PCDHGA2: variants seen among roughly 807,000 people sequenced by gnomAD.
PCDHGA2 encodes protocadherin gamma subfamily A, 2.
In PCDHGA2, 40 loss-of-function variants were observed where a neutral mutation model predicts 59.2. That is an observed-to-expected ratio of 0.68 (90% CI 0.52 to 0.88). PCDHGA2 has a LOEUF of 0.88. PCDHGA2 is among the 40% of genes least tolerant of loss of function. PCDHGA2 has a pLI of 0.00. For synonymous variants in PCDHGA2, 560 were observed against 526.0 expected (o/e 1.06, Z -0.89); for missense variants, 1,226 against 1,204.0 (o/e 1.02, Z -0.27).
intron 1 of PCDHGA2, chr5:141,389,699 C>T: frequency 1.2e-6 from 2 of 1,612,646 alleles, no homozygotes; most frequent in Non-Finnish European, 1.7e-6. Flanking sequence ...TGTCCTACCA[C>T]GTGCTGCAGG....
chr5:141,438,901 G>A (rs1039951275), intron 1 of PCDHGA2, among the ~76,000 whole-genome samples: 2 of 151,746 alleles, frequency 1.3e-5, no homozygotes, highest in African/African-American at 2.4e-5. Flanking sequence ...CCTGACCTCA[G>A]GTGATCCACC....
Position 141,490,896 on chromosome 5 carries a change from G to A in PCDHGA2, c.2425-3911G>A. 6.2e-7 allele frequency: 1 copy of A among 1,613,938 alleles called. No homozygotes were observed. Among genetic ancestry groups the A allele is most frequent in the Non-Finnish European group, 8.5e-7 (1 of 1,179,922 alleles). ...TGCATGCCAACACATCTCTGCATGTGTTTGTCCTAGACGAGAATGATAATG... is the reference window on the plus strand; with the variant it reads ...TGCATGCCAACACATCTCTGCATGTATTTGTCCTAGACGAGAATGATAATG... On this transcript the variant is annotated intron_variant, in intron 1 of 3. Coordinates refer to ENST00000394576, the MANE Select transcript of PCDHGA2 (RefSeq NM_018915.4). This position sits in a 1 kb window ranked among gnomAD's most constrained non-coding sequence, Gnocchi z 5.4.
chr5:141,345,678 A>G (rs1044016495), intron 1 of PCDHGA2: 13 of 1,614,068 alleles, frequency 8.1e-6, no homozygotes, highest in Non-Finnish European at 1.1e-5. Flanking sequence ...CGTGTCGCTG[A>G]ACCTGTTCGT....
chr5:141,339,736 G>T lies in PCDHGA2; in HGVS notation c.765G>T (p.Thr255=), dbSNP rs781028162. 2 of 1,613,958 alleles carry T rather than the reference G, an allele frequency of 1.2e-6. No individual in the cohort carries two copies. Among genetic ancestry groups the T allele is most frequent in the Non-Finnish European group, 1.7e-6 (2 of 1,179,988 alleles). The change falls in exon 1 of 4, where the codon ACG becomes ACT. Residue 255 remains threonine, a synonymous_variant. Transcript: ENST00000394576. ...PEYRISIPEN[T]LVGTRILTVT... ...ACCGCATAAGCATTCCGGAGAATAC[G>T]CTCGTGGGCACCCGGATACTCACGG...
chr5:141,505,634 A>T, intron 3 of PCDHGA2, 153 bp downstream of exon 3: 6 of 971,426 alleles, frequency 6.2e-6, no homozygotes, highest in Non-Finnish European at 7.3e-6. Context: ...CCAAACATAA[A>T]GCCTGGAATT....
At chr5:141,355,176 C>T (rs1424920703) in intron 1 of PCDHGA2, 15 of 1,579,122 alleles carry the variant, frequency 9.5e-6, no homozygotes, top group African/African-American at 1.4e-5. Flanking sequence ...AACCGAAGCA[C>T]AGGCGACTCC....
intron 1 of PCDHGA2, chr5:141,392,967 C>A (rs1442170331): frequency 1.2e-6 from 2 of 1,613,766 alleles, no homozygotes; most frequent in African/African-American, 2.7e-5. Context: ...CTCCAAGGAC[C>A]TGGGGCTGGA....
chr5:141,361,548 C>T (rs374369531), intron 1 of PCDHGA2: 4 of 1,614,094 alleles, frequency 2.5e-6, no homozygotes, highest in African/African-American at 1.3e-5. Context: ...GCGCCTCTAT[C>T]GCTCAAATCA....
intron 1 of PCDHGA2, chr5:141,433,257 G>T: frequency 7.2e-7 from 1 of 1,385,416 alleles, no homozygotes; most frequent in Non-Finnish European, 9.9e-7. Context: ...GCAGCGGTAC[G>T]ATCATAGCTC....
At chr5:141,390,352 A>G (rs1340044054) in intron 1 of PCDHGA2, 2 of 1,557,524 alleles carry the variant, frequency 1.3e-6, no homozygotes, top group African/African-American at 2.7e-5. Context: ...GAAAATATAC[A>G]TATTTGCAGG....
intron 1 of PCDHGA2, chr5:141,367,575 T>C (rs1765237338): frequency 7.4e-6 from 1 of 135,240 alleles, no homozygotes. Context: ...TAAATAAATA[T>C]CAGAAAAGTA....
At position 141,487,344 on chromosome 5, in the gene PCDHGA2, C is replaced by T. The variant is rs1232854025; in HGVS notation, c.2425-7463C>T. On this transcript the variant is annotated intron_variant, in intron 1 of 3. Coordinates refer to ENST00000394576, the MANE Select transcript of PCDHGA2 (RefSeq NM_018915.4). This position sits in a 1 kb window ranked among gnomAD's most constrained non-coding sequence, Gnocchi z 5.0. ...CTTCGTGGGGCAGCCTGTGGAGTCA[C>T]ATGCTTTCCTGCTGGCACCTGTGCC... 3 of 1,614,208 alleles carry T rather than the reference C, an allele frequency of 1.9e-6. No individual in the cohort carries two copies. The highest frequency in any genetic ancestry group is 3.3e-5 in the Admixed American group (2 of 60,024).
intron 1 of PCDHGA2, among the ~76,000 whole-genome samples, chr5:141,397,274 G>A (rs565956732): frequency 6.6e-6 from 1 of 152,188 alleles, no homozygotes; most frequent in East Asian, 1.9e-4. Flanking sequence ...TACATCATAT[G>A]GGCAGTATAC....
Position 141,505,566 on chromosome 5 carries a change from A to G in PCDHGA2, c.2572+85A>G, listed in dbSNP as rs1363426407. 1.4e-5 allele frequency: 22 copies of G among 1,599,886 alleles called. No individual in the cohort carries two copies. In the East Asian group the frequency reaches 4.7e-4, roughly 34 times the overall value. ...CACAGCCACCATGCCCACGGACTGGATGTCAAACCTGTGTAGTTTCTCCAG... is the reference window on the plus strand; with the variant it reads ...CACAGCCACCATGCCCACGGACTGGGTGTCAAACCTGTGTAGTTTCTCCAG... On this transcript the variant is annotated intron_variant, in intron 3 of 3. Coordinates refer to ENST00000394576, the MANE Select transcript of PCDHGA2 (RefSeq NM_018915.4).
At position 141,485,541 on chromosome 5, in the gene PCDHGA2, T is replaced by A; in HGVS notation, c.2425-9266T>A. 2 of 1,613,902 alleles carry A rather than the reference T, an allele frequency of 1.2e-6. No homozygotes were observed. Among genetic ancestry groups the A allele is most frequent in the Non-Finnish European group, 1.7e-6 (2 of 1,179,958 alleles). ...GAAATGTACCGAGCAGAGGTAGAGATCGTAGATGTGAATGATCACGCCCCC... is the reference window on the plus strand; with the variant it reads ...GAAATGTACCGAGCAGAGGTAGAGAACGTAGATGTGAATGATCACGCCCCC... On this transcript the variant is annotated intron_variant, in intron 1 of 3. Coordinates refer to ENST00000394576, the MANE Select transcript of PCDHGA2 (RefSeq NM_018915.4). The surrounding 1 kb of genome is among the most constrained non-coding windows in gnomAD (Gnocchi z 5.7).
chr5:141,410,623 G>A (rs2154543147), intron 1 of PCDHGA2: 1 of 1,603,052 alleles, frequency 6.2e-7, no homozygotes, highest in Non-Finnish European at 8.5e-7. Flanking sequence ...TGACTTCGGT[G>A]AGTTTCTCTT....
chr5:141,347,507 G>A (rs1034183522), intron 1 of PCDHGA2, among the ~76,000 whole-genome samples: 7 of 152,070 alleles, frequency 4.6e-5, no homozygotes, highest in Non-Finnish European at 7.4e-5. Context: ...AAATGTAGAG[G>A]CTGGGTGCAG....
chr5:141,409,657 C>T (rs13184346), intron 1 of PCDHGA2: 1 of 1,613,620 alleles, frequency 6.2e-7, no homozygotes, highest in Non-Finnish European at 8.5e-7. Context: ...GGCTCAATGG[C>T]CACATCTCCT....
chr5:141,451,037 C>T (rs1293972996), intron 1 of PCDHGA2, among the ~76,000 whole-genome samples: 1 of 151,594 alleles, frequency 6.6e-6, no homozygotes, highest in Middle Eastern at 3.2e-3. Context: ...ACCATATTGG[C>T]CAGGCTGGTC....
Sources: allele counts gnomAD v4.1 joint callset (sites outside exome capture counted in the v4.1 genomes callset), GRCh38; gene constraint gnomAD v4.1.1; non-coding constraint Gnocchi (gnomAD v3.1); transcripts MANE v1.5; gene names NCBI Gene and HGNC (gene_info 2026-07-23, HGNC 2026-07-21).